The following GIGYF2 variants were observed in gnomAD, a reference collection of about 807,000 sequenced individuals.
GIGYF2 encodes the protein GRB10-interacting GYF protein 2.
In GIGYF2, 25 loss-of-function variants were observed where a neutral mutation model predicts 208.1. That is an observed-to-expected ratio of 0.12 (90% CI 0.09 to 0.17). The LOEUF (loss-of-function observed/expected upper bound fraction) is 0.17. Ranked by LOEUF, GIGYF2 falls within the 10% of genes least tolerant of loss-of-function variation. The probability of loss-of-function intolerance (pLI) is 1.00; values close to 1 mark genes in which losing one functional copy is unlikely to be tolerated. For missense variants in GIGYF2, 1,302 were observed against 1,579.4 expected, an observed-to-expected ratio of 0.82 and a Z score of 2.98; for synonymous variants, 534 against 543.8, an observed-to-expected ratio of 0.98 and a Z score of 0.25.
In GIGYF2 at chr2:232,822,471, A is replaced by G. The variant is rs1001534912; in HGVS notation, c.2529+2486A>G. ...GCCAAGGCGGGCAGATCACGAAGTC[A>G]GGAGTTCGAGACCAGCCTGGCCAAC... On this transcript the variant is annotated intron_variant, in intron 21 of 28. Transcript: ENST00000373563. 2.6e-5 allele frequency among the ~76,000 whole-genome samples: 4 copies of G among 152,232 alleles called. No homozygotes were observed. In the East Asian group the frequency reaches 5.8e-4, roughly 22 times the overall value.
At chr2:232,845,652 G>T in intron 25 of GIGYF2, 80 bp from the exon 26 acceptor site, 2 of 1,250,632 alleles carry the variant, frequency 1.6e-6, no homozygotes, top group South Asian at 2.4e-5. Flanking sequence ...GTATTGCCAA[G>T]ACATTATTTA....
intron 2 of GIGYF2, among the ~76,000 whole-genome samples, chr2:232,732,453 G>C (rs114520841): frequency 0.06 from 9,139 of 152,010 alleles, 293 homozygotes; most frequent in Non-Finnish European, 0.076. Flanking sequence ...TTTTGATACA[G>C]AATCATATTA....
At chr2:232,736,922 C>G (rs28570372) in intron 3 of GIGYF2, among the ~76,000 whole-genome samples, 3,557 of 152,202 alleles carry the variant, frequency 0.023, 150 homozygotes, top group African/African-American at 0.08. Context: ...GACACAACAA[C>G]AGAGAAAAGA....
rs141631922 is a variant in GIGYF2 at position 232,835,551 on chromosome 2, G to A, written c.2766+2458G>A. ...CATGTATCGTAATTTTTTATTGGCA[G>A]CTGGACTTTTTGATAATGTCTTCTA... On this transcript the variant is annotated intron_variant, in intron 22 of 28. Transcript: ENST00000373563. Among the ~76,000 whole-genome samples, 15 of 152,258 alleles carry A rather than the reference G, an allele frequency of 9.9e-5. No homozygotes were observed. In the East Asian group the frequency reaches 2.5e-3, roughly 25 times the overall value.
chr2:232,825,430 T>G (rs192252970), intron 21 of GIGYF2, among the ~76,000 whole-genome samples: 40 of 152,300 alleles, frequency 2.6e-4, no homozygotes, highest in African/African-American at 9.4e-4. Flanking sequence ...GGTTCAAGAC[T>G]TCAGTGGAGG....
intron 2 of GIGYF2, among the ~76,000 whole-genome samples, chr2:232,724,064 G>C (rs1382645705): frequency 2.0e-5 from 3 of 150,502 alleles, no homozygotes; most frequent in Non-Finnish European, 3.0e-5. Context: ...TTTTTGAGAT[G>C]GAGTCTTGCT....
chr2:232,754,769 A>G (rs530657226), intron 5 of GIGYF2, among the ~76,000 whole-genome samples: 3 of 152,138 alleles, frequency 2.0e-5, no homozygotes, highest in Non-Finnish European at 4.4e-5. Context: ...ACATTTTATT[A>G]TAGTTTGAAA....
Position 232,816,509 on chromosome 2 carries a change from C to T in GIGYF2, c.2209-362C>T, listed in dbSNP as rs1028767397. Among the ~76,000 whole-genome samples the T allele has an allele frequency of 3.3e-5, 5 of 152,140 alleles. 1 individual carries two copies. Among genetic ancestry groups the T allele is most frequent in the Non-Finnish European group, 7.3e-5 (5 of 68,038 alleles). Reference sequence around the variant, plus strand: ...TCCAAGAGCATTCTGATGTTACTCTCATGGGTGGTATAATGGTAACGTGGA... The same window carrying T: ...TCCAAGAGCATTCTGATGTTACTCTTATGGGTGGTATAATGGTAACGTGGA... On this transcript the variant is annotated intron_variant, in intron 19 of 28. Transcript: ENST00000373563.
rs539818433 is a variant in GIGYF2 at position 232,801,434 on chromosome 2, A to G, written c.1640-5057A>G. On this transcript the variant is annotated intron_variant, in intron 14 of 28. Transcript: ENST00000373563. ...CAGCTACTTGGGAGGCTGAGGCAGG[A>G]GAATTGCTAGAGCCCAGGAAGTTGA... 3.3e-5 allele frequency among the ~76,000 whole-genome samples: 5 copies of G among 152,302 alleles called. No homozygotes were observed. The South Asian group carries it at 1.0e-3, about 32-fold the overall frequency.
chr2:232,746,205 T>G (rs1698143735), intron 3 of GIGYF2, among the ~76,000 whole-genome samples: 2 of 152,152 alleles, frequency 1.3e-5, no homozygotes, highest in East Asian at 3.9e-4. Flanking sequence ...CCCAACAGTC[T>G]CACTTTACTA....
intron 14 of GIGYF2, among the ~76,000 whole-genome samples, chr2:232,797,966 G>A (rs779936347): frequency 3.8e-4 from 53 of 137,842 alleles, no homozygotes; most frequent in Non-Finnish European, 7.1e-4. Context: ...GTGTGACAGA[G>A]TGAGACTGTG....
At chr2:232,784,612 C>T (rs1699851859) in intron 8 of GIGYF2, among the ~76,000 whole-genome samples, 1 of 144,806 alleles carries the variant, frequency 6.9e-6, no homozygotes, top group South Asian at 2.4e-4. Flanking sequence ...GATCTGACCT[C>T]GTGATCTGCC....
At chr2:232,735,545 G>T in intron 3 of GIGYF2, 1 of 332,916 alleles carries the variant, frequency 3.0e-6, no homozygotes, top group Non-Finnish European at 4.9e-6. Context: ...TTTTATGTAA[G>T]TATAATTATA....
chr2:232,761,255 A>C (rs1333208188), intron 7 of GIGYF2, 141 bp from the exon 8 acceptor site: 1 of 605,750 alleles, frequency 1.7e-6, no homozygotes, highest in African/African-American at 1.9e-5. Context: ...ATATTTTCGA[A>C]ATATTAGGCA....
chr2:232,787,490 A>G (rs912594540), intron 9 of GIGYF2, among the ~76,000 whole-genome samples, 161 bp downstream of exon 9: 14 of 152,202 alleles, frequency 9.2e-5, no homozygotes, highest in African/African-American at 3.4e-4. Context: ...ATTGCAACAT[A>G]AAAATTTCCT....
rs1690673568 is a variant in GIGYF2, at chr2:232,858,927, T to G, written c.*2067T>G. ...ACTCTGAACACACCCCTCCAGAGCTTGCCCACACCTTCCCAACTAGACTCT... is the reference window on the plus strand; with the variant it reads ...ACTCTGAACACACCCCTCCAGAGCTGGCCCACACCTTCCCAACTAGACTCT... On this transcript the variant is annotated 3_prime_UTR_variant, in exon 29 of 29. Transcript: ENST00000373563. 2 of 170,422 alleles carry G rather than the reference T, an allele frequency of 1.2e-5. No individual in the cohort carries two copies. The highest frequency in any genetic ancestry group is 3.0e-4 in the South Asian group (2 of 6,640). The allele number at this position is 170,422 out of a possible 1,614,324, so 10.6% of individuals were successfully genotyped here.
chr2:232,730,627 G>A (rs1247953960), intron 2 of GIGYF2, among the ~76,000 whole-genome samples: 1 of 129,614 alleles, frequency 7.7e-6, no homozygotes, highest in Non-Finnish European at 1.6e-5. Context: ...GGCCGGGCGC[G>A]GTGGCTCACG....
intron 2 of GIGYF2, among the ~76,000 whole-genome samples, chr2:232,708,811 T>C (rs1024584406): frequency 6.7e-5 from 10 of 150,296 alleles, no homozygotes; most frequent in Admixed American, 5.3e-4. Flanking sequence ...AATGAGACTC[T>C]GTCTCAAAAA....
chr2:232,856,886 C>G lies in GIGYF2; in HGVS notation c.*26C>G, dbSNP rs545292180. 3.9e-6 allele frequency: 6 copies of G among 1,521,970 alleles called. No homozygotes were observed. In the East Asian group the frequency reaches 1.1e-4, roughly 29 times the overall value. The allele number at this position is 1,521,970 out of a possible 1,614,324, so 94.3% of individuals were successfully genotyped here. ...GCACCTGCCAGTGGACTGGCCATCC[C>G]TCTCCTGTCTGCCGACTATGGAGTC... On this transcript the variant is annotated 3_prime_UTR_variant, in exon 29 of 29. Coordinates refer to ENST00000373563, the MANE Select transcript of GIGYF2 (RefSeq NM_001103146.3).
Sources: allele counts gnomAD v4.1 joint callset (sites outside exome capture counted in the v4.1 genomes callset), GRCh38; gene constraint gnomAD v4.1.1; transcripts MANE v1.5; gene names NCBI Gene and HGNC (gene_info 2026-07-23, HGNC 2026-07-21).